The following SOX5 variants were observed in gnomAD, a reference collection of about 807,000 sequenced individuals.
The protein encoded by SOX5 is transcription factor SOX-5.
A neutral mutation model predicts 92.0 loss-of-function variants in SOX5; 9 were observed. That is an observed-to-expected ratio of 0.10 (90% CI 0.06 to 0.17). The LOEUF (loss-of-function observed/expected upper bound fraction) is 0.17, where lower values mean the gene tolerates loss of function less well. Among genes scored for constraint, SOX5 ranks in the 10% least tolerant of loss-of-function variants. The pLI, the probability that SOX5 is intolerant of heterozygous loss-of-function variation, is 1.00. For synonymous variants in SOX5, 344 were observed against 336.3 expected (o/e 1.02, Z -0.25); for missense variants, 642 against 944.5 (o/e 0.68, Z 4.20).
intron 2 of SOX5, among the ~76,000 whole-genome samples, chr12:24,312,520 G>C (rs1281380359): frequency 6.6e-6 from 1 of 152,114 alleles, no homozygotes; most frequent in African/African-American, 2.4e-5. Context: ...GTGTAAACAA[G>C]GGCATGGACT....
chr12:24,110,985 A>C lies in SOX5; in HGVS notation c.-2+102358T>G, dbSNP rs567464604. Reference sequence around the variant, plus strand: ...TCGTTCTCAAATTTTACGCTAAGCCAGGATTTCTCGACCCTTGGCATTAAT... The same window carrying C: ...TCGTTCTCAAATTTTACGCTAAGCCCGGATTTCTCGACCCTTGGCATTAAT... On this transcript the variant is annotated intron_variant, in intron 4 of 4. Transcript: ENST00000446891. Among the ~76,000 whole-genome samples, 13 of 150,964 alleles carry C rather than the reference A, an allele frequency of 8.6e-5. No homozygotes were observed. In the South Asian group the frequency reaches 2.5e-3, roughly 29 times the overall value.
intron 2 of SOX5, among the ~76,000 whole-genome samples, chr12:24,325,341 G>C (rs541100292): frequency 6.6e-6 from 1 of 152,246 alleles, no homozygotes; most frequent in South Asian, 2.1e-4. Context: ...ATTTATGACA[G>C]ATTTTAGTGC....
At chr12:23,698,323 G>A (rs1305659199) in intron 6 of SOX5, among the ~76,000 whole-genome samples, 1 of 152,106 alleles carries the variant, frequency 6.6e-6, no homozygotes, top group East Asian at 1.9e-4. Flanking sequence ...TTTCCTTAAT[G>A]AATTTTGTCT....
At chr12:23,663,130 G>A (rs2083292353) in intron 7 of SOX5, among the ~76,000 whole-genome samples, 1 of 152,122 alleles carries the variant, frequency 6.6e-6, no homozygotes, top group South Asian at 2.1e-4. Context: ...CATTCAAACT[G>A]AGTCAAAACG....
chr12:23,967,767 G>T lies in SOX5; in HGVS notation c.-1-71743C>A, dbSNP rs193097590. Reference sequence around the variant, plus strand: ...AAAAAATGATTAAAATTATTATTCAGGATAAACAGTCCTTAGTTTTTCCTG... The same window carrying T: ...AAAAAATGATTAAAATTATTATTCATGATAAACAGTCCTTAGTTTTTCCTG... On this transcript the variant is annotated intron_variant, in intron 4 of 4. Transcript: ENST00000446891. Among the ~76,000 whole-genome samples the T allele has an allele frequency of 6.4e-4, 98 of 152,224 alleles. 1 individual carries two copies. The highest frequency in any genetic ancestry group is 1.2e-4 in the Non-Finnish European group (8 of 67,982).
chr12:23,686,267 C>A (rs1274944146), intron 6 of SOX5, among the ~76,000 whole-genome samples: 1 of 152,186 alleles, frequency 6.6e-6, no homozygotes, highest in Non-Finnish European at 1.5e-5. Context: ...TTGTCTATAT[C>A]CTTGCCACTT....
In SOX5 at chr12:24,393,597, A is replaced by G. The variant is rs1566058582; in HGVS notation, c.-250-24958T>C. Among the ~76,000 whole-genome samples, 1 of 146,266 alleles carries G rather than the reference A, an allele frequency of 6.8e-6. No homozygotes were observed. ...CAATAAAAACATTAAGTAACTAAGCAAAAAATTATGAAATAGATAATCTTT... is the reference window on the plus strand; with the variant it reads ...CAATAAAAACATTAAGTAACTAAGCGAAAAATTATGAAATAGATAATCTTT... On this transcript the variant is annotated intron_variant, in intron 1 of 4. Coordinates refer to the SOX5 transcript ENST00000446891. The surrounding 1 kb of genome is among the most constrained non-coding windows in gnomAD (Gnocchi z 5.0).
intron 1 of SOX5, among the ~76,000 whole-genome samples, chr12:24,432,646 T>C (rs1302716981): frequency 2.0e-5 from 3 of 152,072 alleles, no homozygotes. Flanking sequence ...ACCCTGTCTC[T>C]ACTAAAAATA....
At chr12:24,515,130 A>G (rs1180048067) in intron 1 of SOX5, among the ~76,000 whole-genome samples, 1 of 152,178 alleles carries the variant, frequency 6.6e-6, no homozygotes, top group Non-Finnish European at 1.5e-5. Flanking sequence ...ATAGGAATTG[A>G]CTCATTTGTA....
intron 6 of SOX5, among the ~76,000 whole-genome samples, chr12:23,692,252 G>A (rs931372574): frequency 6.6e-6 from 1 of 151,788 alleles, no homozygotes; most frequent in Non-Finnish European, 1.5e-5. Flanking sequence ...GGCCAACATA[G>A]TGAGACTCCA....
At chr12:23,795,214 T>C (rs1459718664) in intron 3 of SOX5, among the ~76,000 whole-genome samples, 1 of 151,826 alleles carries the variant, frequency 6.6e-6, no homozygotes, top group Non-Finnish European at 1.5e-5. Flanking sequence ...GCACTGAAAA[T>C]AAGAGTAGTG....
At chr12:24,171,229 GTTT>G (rs1285258917) in intron 4 of SOX5, among the ~76,000 whole-genome samples, 1 of 58,336 alleles carries the variant, frequency 1.7e-5, no homozygotes, top group Non-Finnish European at 2.9e-5. Flanking sequence ...TTGTTTGTTT[GTTT>G]TTTTTTTTGG....
In SOX5 at chr12:23,792,439, A is replaced by T. The variant is rs150935864; in HGVS notation, c.482-36715T>A. Reference sequence around the variant, plus strand: ...GAAGTTCGAGACCAGCGTGGCCAACATGGTGAAACACCATCTCTACTAAAA... The same window carrying T: ...GAAGTTCGAGACCAGCGTGGCCAACTTGGTGAAACACCATCTCTACTAAAA... On this transcript the variant is annotated intron_variant, in intron 3 of 14. Transcript: ENST00000451604. Among the ~76,000 whole-genome samples the T allele has an allele frequency of 9.4e-3, 1,421 of 151,868 alleles. 23 individuals carry two copies. Among genetic ancestry groups the T allele is most frequent in the African/African-American group, 0.033 (1,353 of 41,364 alleles).
chr12:23,945,785 G>A (rs1043605834), intron 1 of SOX5, among the ~76,000 whole-genome samples: 10 of 152,138 alleles, frequency 6.6e-5, no homozygotes, highest in African/African-American at 2.4e-4. Context: ...CACACCTAGA[G>A]TGTGCCTGCT....
In SOX5 at chr12:24,457,330, G is replaced by GT. The variant is rs577494891; in HGVS notation, c.-250-88692dup. On this transcript the variant is annotated intron_variant, in intron 1 of 4. Coordinates refer to the SOX5 transcript ENST00000446891. ...TTTTGTGACTAAACTTCTAAAACCT[G>GT]TTTTTTTTAAAATATATACGTCTGT... 3.7e-3 allele frequency among the ~76,000 whole-genome samples: 555 copies of GT among 152,034 alleles called. 2 individuals are homozygous for GT. The highest frequency in any genetic ancestry group is 0.012 in the African/African-American group (487 of 41,464).
chr12:24,125,957 C>A (rs1156707351), intron 4 of SOX5, among the ~76,000 whole-genome samples: 1 of 152,158 alleles, frequency 6.6e-6, no homozygotes, highest in Non-Finnish European at 1.5e-5. Flanking sequence ...TCTTGCTTGG[C>A]ATCTCAATGG....
chr12:24,216,400 C>A (rs1465510660), intron 3 of SOX5, among the ~76,000 whole-genome samples: 2 of 152,042 alleles, frequency 1.3e-5, no homozygotes, highest in African/African-American at 4.8e-5. Context: ...AGGAGAATGG[C>A]GTGAACCCGG....
intron 1 of SOX5, among the ~76,000 whole-genome samples, chr12:23,932,819 A>G (rs1941739202): frequency 6.6e-6 from 1 of 151,664 alleles, no homozygotes; most frequent in Non-Finnish European, 1.5e-5. Flanking sequence ...ATCATGATCT[A>G]AAAGTACCTA....
chr12:24,346,317 T>C (rs1169322349), intron 2 of SOX5, among the ~76,000 whole-genome samples: 1 of 152,140 alleles, frequency 6.6e-6, no homozygotes, highest in Non-Finnish European at 1.5e-5. Context: ...GGGAAAAATA[T>C]TTCAAAGGAG....
Sources: gnomAD v4.1 joint callset for allele counts (sites outside exome capture counted in the v4.1 genomes callset) on GRCh38, gnomAD v4.1.1 for gene constraint, Gnocchi (gnomAD v3.1) non-coding constraint, MANE v1.5 for transcripts, NCBI Gene and HGNC (gene_info 2026-07-23, HGNC 2026-07-21) for gene names.